The following CUL3 variants were observed in gnomAD, a reference collection of about 807,000 sequenced individuals.
CUL3 encodes cullin-3.
In CUL3, 19 loss-of-function variants were observed where a neutral mutation model predicts 89.1. That is an observed-to-expected ratio of 0.21 (90% CI 0.15 to 0.31). The LOEUF is 0.31. CUL3 is among the 10% of genes least tolerant of loss of function. The probability of loss-of-function intolerance (pLI) is 1.00; values close to 1 mark genes in which losing one functional copy is unlikely to be tolerated. For synonymous variants in CUL3, 351 were observed against 308.4 expected (o/e 1.14, Z -1.45); for missense variants, 469 against 942.3 (o/e 0.50, Z 6.58).
At chr2:224,521,664 C>T (rs543273873) in intron 3 of CUL3, among the ~76,000 whole-genome samples, 25 of 152,038 alleles carry the variant, frequency 1.6e-4, no homozygotes, top group Middle Eastern at 3.4e-3. Context: ...ACTCCTGACC[C>T]GCCTCGGCCT....
Position 224,473,177 on chromosome 2 carries a change from T to C in CUL3, c.*1068A>G, listed in dbSNP as rs147917693. 1.3e-4 allele frequency: 25 copies of C among 198,376 alleles called. No individual in the cohort carries two copies. The highest frequency in any genetic ancestry group is 2.4e-4 in the Non-Finnish European group (23 of 95,440). 12.3% of individuals were successfully genotyped at this position (198,376 alleles called of 1,614,324 possible). On this transcript the variant is annotated 3_prime_UTR_variant, in exon 16 of 16. Transcript: ENST00000264414. ...CTTTCCAAAACACAGCTGCAAGAAT[T>C]GAAGATTTCATTAAAACTATCAAGG...
intron 3 of CUL3, among the ~76,000 whole-genome samples, chr2:224,533,994 C>T (rs962613687): frequency 6.6e-5 from 10 of 152,046 alleles, no homozygotes; most frequent in Admixed American, 5.9e-4. Context: ...GTAAAAGAAA[C>T]TAGGACAAGC....
intron 2 of CUL3, among the ~76,000 whole-genome samples, chr2:224,554,499 T>C (rs1574689614): frequency 6.6e-6 from 1 of 152,326 alleles, no homozygotes; most frequent in East Asian, 1.9e-4. Context: ...CTACAGAGAA[T>C]TCAAGGGCTC....
chr2:224,475,786 CCTT>C (rs1335952558), intron 15 of CUL3, among the ~76,000 whole-genome samples: 1 of 152,142 alleles, frequency 6.6e-6, no homozygotes, highest in Non-Finnish European at 1.5e-5. Context: ...CTCAACAGGA[CCTT>C]CTACTCCTGA....
intron 3 of CUL3, among the ~76,000 whole-genome samples, chr2:224,524,929 A>C (rs1158359992): frequency 6.6e-6 from 1 of 152,100 alleles, no homozygotes; most frequent in Non-Finnish European, 1.5e-5. Flanking sequence ...TAATGCATAT[A>C]ATCTCTAAGG....
At chr2:224,504,196 A>T (rs1213009961) in intron 8 of CUL3, 1 of 162,784 alleles carries the variant, frequency 6.1e-6, no homozygotes, top group Non-Finnish European at 1.3e-5. Flanking sequence ...TACACAGCCA[A>T]AAGACGGAAT....
At chr2:224,541,026 A>G (rs1694083407) in intron 2 of CUL3, among the ~76,000 whole-genome samples, 1 of 152,250 alleles carries the variant, frequency 6.6e-6, no homozygotes, top group African/African-American at 2.4e-5. Flanking sequence ...GTCAGATTAC[A>G]ATAAAGTGTA....
In CUL3 at chr2:224,557,876, G is replaced by GAA. The variant is rs1559221211; in HGVS notation, c.67-22_67-21dup. On this transcript the variant is annotated intron_variant, in intron 1 of 15. Transcript: ENST00000264414. ...GGTCATCTGTAATATCCAAGAGAGA[G>GAA]AAGAGACAAAAAAAAAAAAAAAAAA... 7.5e-5 allele frequency: 11 copies of GAA among 146,594 alleles called. No individual in the cohort carries two copies. The highest frequency in any genetic ancestry group is 1.5e-4 in the South Asian group (2 of 13,268). The allele number at this position is 146,594 out of a possible 1,614,324, so 9.1% of individuals were successfully genotyped here.
intron 13 of CUL3, 78 bp from the exon 14 acceptor site, chr2:224,482,156 C>A: frequency 8.9e-7 from 1 of 1,120,530 alleles, no homozygotes; most frequent in Non-Finnish European, 1.3e-6. Flanking sequence ...ACTGACCAAG[C>A]AGTAGTTAAA....
rs566258344 is a variant in CUL3 at position 224,504,869 on chromosome 2, A to G, written c.1207-1047T>C. ...TGTTTTATGCTTCAGTTGATTTTCT[A>G]TGCTGTCGTGAGCTCCTCAGGTTCC... On this transcript the variant is annotated intron_variant, in intron 8 of 15. Coordinates refer to ENST00000264414, the MANE Select transcript of CUL3 (RefSeq NM_003590.5). 2.6e-5 allele frequency among the ~76,000 whole-genome samples: 4 copies of G among 152,178 alleles called. No homozygotes were observed. The South Asian group carries it at 8.3e-4, about 32-fold the overall frequency.
intron 1 of CUL3, among the ~76,000 whole-genome samples, chr2:224,566,712 T>C (rs1695048137): frequency 6.6e-6 from 1 of 152,236 alleles, no homozygotes; most frequent in Admixed American, 6.5e-5. Flanking sequence ...CAGCTTTAGA[T>C]CCTTCACCTT....
chr2:224,498,152 C>T (rs1191666421), intron 11 of CUL3, among the ~76,000 whole-genome samples: 1 of 152,190 alleles, frequency 6.6e-6, no homozygotes, highest in African/African-American at 2.4e-5. Flanking sequence ...CCACCTTTCT[C>T]CATAGTAACC....
At chr2:224,474,668 TG>T (rs1275874761) in intron 15 of CUL3, among the ~76,000 whole-genome samples, 1 of 152,238 alleles carries the variant, frequency 6.6e-6, no homozygotes, top group African/African-American at 2.4e-5. Context: ...GTTTTGATGC[TG>T]TTATCTACTG....
At chr2:224,514,129 G>C (rs1359642561) in intron 4 of CUL3, among the ~76,000 whole-genome samples, 1 of 152,132 alleles carries the variant, frequency 6.6e-6, no homozygotes, top group African/African-American at 2.4e-5. Context: ...TGCATTTCAA[G>C]CCACTTTAGC....
intron 7 of CUL3, 112 bp from the exon 8 acceptor site, chr2:224,506,244 AT>A: frequency 6.0e-6 from 4 of 663,780 alleles, no homozygotes; most frequent in Non-Finnish European, 7.1e-6. Context: ...ATGTATATTC[AT>A]TTTTAAACTT....
chr2:224,572,300 T>C (rs1695197891), intron 1 of CUL3, among the ~76,000 whole-genome samples: 1 of 152,126 alleles, frequency 6.6e-6, no homozygotes, highest in Admixed American at 6.5e-5. Context: ...TGAATGCCTG[T>C]GTCTCCTCCA....
chr2:224,482,637 C>T (rs1691576873), intron 13 of CUL3, among the ~76,000 whole-genome samples: 2 of 151,620 alleles, frequency 1.3e-5, no homozygotes, highest in African/African-American at 2.4e-5. Flanking sequence ...AACAAGCAAT[C>T]TGTTTTGAAG....
chr2:224,474,394 T>C lies in CUL3; in HGVS notation c.2176-18A>G, dbSNP rs1425145350. On this transcript the variant is annotated intron_variant, in intron 15 of 15. Transcript: ENST00000264414. ...TGAGTTACCTAAAAAAGAAAGTAGA[T>C]AGTATTTTTATATAAACACATAAAA... The C allele has an allele frequency of 3.7e-6, 6 of 1,607,422 alleles. No individual in the cohort carries two copies. The highest frequency in any genetic ancestry group is 5.1e-6 in the Non-Finnish European group (6 of 1,176,214).
chr2:224,584,569 G>T (rs1433190685), intron 1 of CUL3, among the ~76,000 whole-genome samples: 1 of 151,962 alleles, frequency 6.6e-6, no homozygotes, highest in Admixed American at 6.5e-5. Flanking sequence ...TTCCACACAC[G>T]CCCCACACAG....
Sources: gnomAD v4.1 joint callset for allele counts (sites outside exome capture counted in the v4.1 genomes callset) on GRCh38, gnomAD v4.1.1 for gene constraint, MANE v1.5 for transcripts, NCBI Gene and HGNC (gene_info 2026-07-23, HGNC 2026-07-21) for gene names.